The following RELN variants were observed in gnomAD, a reference collection of about 807,000 sequenced individuals.
RELN encodes reelin.
Under a neutral mutation model 427.6 loss-of-function variants are expected in RELN, and 108 were observed. That is an observed-to-expected ratio of 0.25 (90% confidence interval 0.22 to 0.30). RELN has a LOEUF of 0.30. RELN is among the 10% of genes least tolerant of loss of function. The pLI, the probability that RELN is intolerant of heterozygous loss-of-function variation, is 1.00. For missense variants in RELN, 3,715 were observed against 4,302.8 expected, an observed-to-expected ratio of 0.86 and a Z score of 3.82; for synonymous variants, 1,524 against 1,513.4, an observed-to-expected ratio of 1.01 and a Z score of -0.16.
chr7:103,544,006 A>T (rs1378609628), intron 42 of RELN, among the ~76,000 whole-genome samples: 1 of 152,168 alleles, frequency 6.6e-6, no homozygotes, highest in Non-Finnish European at 1.5e-5. Context: ...TTTCATAAAG[A>T]CAGATTGACA....
chr7:103,689,415 T>G (rs528250267), intron 10 of RELN, among the ~76,000 whole-genome samples: 21 of 152,104 alleles, frequency 1.4e-4, no homozygotes, highest in Non-Finnish European at 2.5e-4. Context: ...CTTTGCAAGC[T>G]GAGGGTAACC....
At chr7:103,513,383 T>C (rs947057819) in intron 50 of RELN, 4 of 152,128 alleles carry the variant, frequency 2.6e-5, no homozygotes, top group Non-Finnish European at 5.9e-5. Context: ...GAATAACTAG[T>C]CTGTGCTTAC....
intron 11 of RELN, among the ~76,000 whole-genome samples, chr7:103,669,172 G>A (rs576122979): frequency 6.6e-6 from 1 of 151,834 alleles, no homozygotes; most frequent in East Asian, 1.9e-4. Flanking sequence ...GCTAACTGTT[G>A]GAAGATAACA....
chr7:103,857,859 G>A (rs1793982108), intron 2 of RELN, among the ~76,000 whole-genome samples: 1 of 152,130 alleles, frequency 6.6e-6, no homozygotes, highest in Non-Finnish European at 1.5e-5. Flanking sequence ...AGCAGGGAAG[G>A]AATTGGGGGA....
intron 8 of RELN, 27 bp downstream of exon 8, chr7:103,723,113 T>C: frequency 6.8e-7 from 1 of 1,472,358 alleles, no homozygotes; most frequent in African/African-American, 1.4e-5. Flanking sequence ...CCAAATTAAA[T>C]CGTTATAACT....
intron 42 of RELN, among the ~76,000 whole-genome samples, chr7:103,543,570 C>T (rs971611980): frequency 2.0e-5 from 3 of 152,022 alleles, no homozygotes; most frequent in African/African-American, 7.2e-5. Context: ...TACTTGAACC[C>T]GGGAGGCGGA....
chr7:103,500,924 T>A lies in RELN; in HGVS notation c.8490-2A>T, dbSNP rs1442015269. 1 of 1,613,990 alleles carries A rather than the reference T, an allele frequency of 6.2e-7. No homozygotes were observed. Among genetic ancestry groups the A allele is most frequent in the Non-Finnish European group, 8.5e-7 (1 of 1,179,888 alleles). ...TGATAGAACCTAAACCTTACCGGACTATTGACAATGCAAAAGCAAAGGAGT... is the reference window on the plus strand; with the variant it reads ...TGATAGAACCTAAACCTTACCGGACAATTGACAATGCAAAAGCAAAGGAGT... On this transcript the variant is annotated splice_acceptor_variant, in intron 52 of 64. Transcript: ENST00000428762. LOFTEE classifies it high-confidence loss of function.
At chr7:103,601,884 A>T (rs1831677769) in intron 24 of RELN, among the ~76,000 whole-genome samples, 1 of 152,150 alleles carries the variant, frequency 6.6e-6, no homozygotes, top group Non-Finnish European at 1.5e-5. Context: ...AGCAATCTGC[A>T]TGCCTAATCT....
intron 1 of RELN, among the ~76,000 whole-genome samples, chr7:103,927,302 G>T (rs944307825): frequency 2.0e-5 from 3 of 152,118 alleles, no homozygotes; most frequent in Admixed American, 6.5e-5. Context: ...AATTGTTCCT[G>T]TCCCTTTTAG....
At chr7:103,590,812 C>T (rs949400593) in intron 27 of RELN, among the ~76,000 whole-genome samples, 1 of 152,154 alleles carries the variant, frequency 6.6e-6, no homozygotes, top group African/African-American at 2.4e-5. Context: ...ATTTTCTCTT[C>T]TGATCTTTAT....
chr7:103,948,466 A>G (rs1460801443), intron 1 of RELN, among the ~76,000 whole-genome samples: 1 of 152,154 alleles, frequency 6.6e-6, no homozygotes. Flanking sequence ...TGAGGTCAAT[A>G]GATGGAGACC....
At chr7:103,685,709 A>G (rs1047695816) in intron 10 of RELN, among the ~76,000 whole-genome samples, 2 of 152,176 alleles carry the variant, frequency 1.3e-5, no homozygotes, top group African/African-American at 2.4e-5. Context: ...ACCGATTTCT[A>G]AAGTCCCTTA....
chr7:103,900,454 G>C (rs184123420), intron 2 of RELN, among the ~76,000 whole-genome samples: 1 of 151,950 alleles, frequency 6.6e-6, no homozygotes, highest in Non-Finnish European at 1.5e-5. Context: ...CTACTTTAAA[G>C]TTCATATGGA....
At chr7:103,545,024 GAT>G in intron 42 of RELN, 98 bp downstream of exon 42, 1 of 824,350 alleles carries the variant, frequency 1.2e-6, no homozygotes, top group Admixed American at 2.0e-5. Flanking sequence ...ATAATAATGA[GAT>G]ATTAGAATTA....
intron 24 of RELN, among the ~76,000 whole-genome samples, chr7:103,599,933 G>T (rs1831625758): frequency 6.6e-6 from 1 of 152,312 alleles, no homozygotes; most frequent in East Asian, 1.9e-4. Context: ...GTCGTCCTCT[G>T]TCGCCCAGGC....
intron 3 of RELN, among the ~76,000 whole-genome samples, chr7:103,797,331 C>T (rs551166805): frequency 2.0e-5 from 3 of 152,262 alleles, no homozygotes; most frequent in African/African-American, 7.2e-5. Context: ...TCTCGAACTC[C>T]CAACCTCAGG....
chr7:103,915,546 T>C (rs1019245025), intron 2 of RELN, among the ~76,000 whole-genome samples: 1 of 152,132 alleles, frequency 6.6e-6, no homozygotes, highest in Non-Finnish European at 1.5e-5. Context: ...CTGCAGTTAC[T>C]GCTTTCCAGG....
In RELN at chr7:103,629,945, G is replaced by A. The variant is rs368168602; in HGVS notation, c.2697C>T (p.Thr899=). The A allele has an allele frequency of 7.0e-6, 11 of 1,578,022 alleles. No homozygotes were observed. The highest frequency in any genetic ancestry group is 8.7e-6 in the Non-Finnish European group (10 of 1,147,552). The change falls in exon 20 of 65, where the codon ACC becomes ACT. Residue 899 remains threonine, a synonymous_variant. Coordinates refer to ENST00000428762, the MANE Select transcript of RELN (RefSeq NM_005045.4). ...AACAATGATGAAATCCTTACCAAAG[G>A]GTCCAGTCGTGGCCACAGTATGGCT... ...NVQPYCGHDW[T]LCFTGDSKLA...
intron 64 of RELN, among the ~76,000 whole-genome samples, chr7:103,475,084 C>T (rs1217790469): frequency 6.6e-6 from 1 of 152,188 alleles, no homozygotes; most frequent in Non-Finnish European, 1.5e-5. Flanking sequence ...TTTCTACATT[C>T]CTATACAAAC....
Sources: gnomAD v4.1 joint callset for allele counts (sites outside exome capture counted in the v4.1 genomes callset) on GRCh38, gnomAD v4.1.1 for gene constraint, MANE v1.5 for transcripts, NCBI Gene and HGNC (gene_info 2026-07-23, HGNC 2026-07-21) for gene names.